The following DNAH12 variants were observed in gnomAD, a reference collection of about 807,000 sequenced individuals.
DNAH12 encodes the protein axonemal beta dynein heavy chain 12.
DNAH12 carries 285 observed loss-of-function variants against 371.5 expected under a neutral mutation model. That is an observed-to-expected ratio of 0.77 (90% confidence interval 0.70 to 0.85). The LOEUF (loss-of-function observed/expected upper bound fraction) is 0.85, where lower values mean the gene tolerates loss of function less well. Ranked by LOEUF, DNAH12 falls within the 40% of genes least tolerant of loss-of-function variation. The pLI is 0.00. For missense variants in DNAH12, 3,611 were observed against 3,689.4 expected, an observed-to-expected ratio of 0.98 and a Z score of 0.55; for synonymous variants, 1,200 against 1,213.0, an observed-to-expected ratio of 0.99 and a Z score of 0.22.
intron 4 of DNAH12, chr3:57,519,657 T>G: frequency 6.6e-7 from 1 of 1,512,066 alleles, no homozygotes; most frequent in African/African-American, 1.4e-5. Flanking sequence ...CTAAGAAGCC[T>G]TCTAACCGCT....
At position 57,405,121 on chromosome 3, in the gene DNAH12, G is replaced by A. The variant is rs1553680642; in HGVS notation, c.6603C>T (p.Leu2201=). The A allele has an allele frequency of 2.0e-6, 3 of 1,536,604 alleles. No homozygotes were observed. Among genetic ancestry groups the A allele is most frequent in the Non-Finnish European group, 2.6e-6 (3 of 1,142,814 alleles). The change falls in exon 42 of 74, where the codon CTC becomes CTT. Residue 2201 remains leucine, a synonymous_variant. Coordinates refer to ENST00000495027, the MANE Select transcript of DNAH12 (RefSeq NM_001366028.2). ...APVTEEDLRN[L]MFGDYMNPDL... is the part of the protein sequence containing the mutation. ...CAGGATTCATATAATCACCAAACAT[G>A]AGATTTCTTAAGTCTTCTTCAGTTA...
intron 37 of DNAH12, among the ~76,000 whole-genome samples, chr3:57,416,120 GTCAC>G (rs976713649): frequency 1.3e-5 from 2 of 151,992 alleles, no homozygotes; most frequent in African/African-American, 2.4e-5. Context: ...GTTTCACTCT[GTCAC>G]TCAGTCTGGA....
At chr3:57,302,593 T>TTTTTTTTTTTA (rs2061383697) in intron 69 of DNAH12, among the ~76,000 whole-genome samples, 1 of 113,588 alleles carries the variant, frequency 8.8e-6, no homozygotes, top group Non-Finnish European at 1.7e-5. Context: ...TTTTTTTTTT[T>TTTTTTTTTTTA]GAGACAGAGT....
intron 25 of DNAH12, among the ~76,000 whole-genome samples, chr3:57,449,235 T>TA (rs1428326878): frequency 1.3e-5 from 2 of 152,116 alleles, no homozygotes; most frequent in African/African-American, 4.8e-5. Flanking sequence ...GAGCTAGACA[T>TA]AAAGACTCTC....
chr3:57,366,990 T>C (rs1410723643), intron 56 of DNAH12, 69 bp from the exon 57 acceptor site: 1 of 152,228 alleles, frequency 6.6e-6, no homozygotes, highest in Admixed American at 6.5e-5. Context: ...TGTACTTCTA[T>C]GGCCTTGCCT....
intron 39 of DNAH12, among the ~76,000 whole-genome samples, chr3:57,410,392 TAAG>T (rs765784538): frequency 1.4e-4 from 22 of 152,312 alleles, no homozygotes; most frequent in African/African-American, 4.6e-4. Flanking sequence ...TTGACCTACA[TAAG>T]AAGAAAACCT....
chr3:57,520,027 C>G lies in DNAH12; in HGVS notation c.279+3556G>C, dbSNP rs1035730440. ...GTCGGCCATGGTAGCGCCGCGGAGC[C>G]GATGGCCGACGTTGGGTTGGGGAAA... On this transcript the variant is annotated intron_variant, in intron 4 of 73. Transcript: ENST00000495027. 5.6e-6 allele frequency: 4 copies of G among 718,466 alleles called. No homozygotes were observed. In the African/African-American group the frequency reaches 7.1e-5, roughly 13 times the overall value. The allele number at this position is 718,466 out of a possible 1,614,324, so 44.5% of individuals were successfully genotyped here.
intron 16 of DNAH12, 123 bp from the exon 17 acceptor site, chr3:57,469,102 G>A (rs938747670): frequency 1.1e-6 from 1 of 888,836 alleles, no homozygotes; most frequent in Non-Finnish European, 1.6e-6. Flanking sequence ...GCTGTTAACA[G>A]TTTTTCTCAG....
chr3:57,348,957 CA>C (rs1553659138), intron 60 of DNAH12, among the ~76,000 whole-genome samples: 1 of 152,010 alleles, frequency 6.6e-6, no homozygotes, highest in Non-Finnish European at 1.5e-5. Context: ...ACAAATGCAA[CA>C]AAAACAAAGA....
intron 34 of DNAH12, among the ~76,000 whole-genome samples, chr3:57,427,955 G>A (rs2064834251): frequency 6.6e-6 from 1 of 151,714 alleles, no homozygotes; most frequent in Non-Finnish European, 1.5e-5. Context: ...CTGAGACGGA[G>A]TCTTGCTCTG....
At chr3:57,402,155 T>C (rs757796375) in intron 43 of DNAH12, among the ~76,000 whole-genome samples, 6 of 152,222 alleles carry the variant, frequency 3.9e-5, no homozygotes, top group Non-Finnish European at 8.8e-5. Flanking sequence ...TTTCCTTTCA[T>C]GTCTATGTAG....
At chr3:57,474,815 G>A (rs540650570) in intron 13 of DNAH12, among the ~76,000 whole-genome samples, 66 of 151,988 alleles carry the variant, frequency 4.3e-4, no homozygotes, top group Middle Eastern at 3.4e-3. Context: ...AAATTAGCTG[G>A]GTGTGGTGGT....
chr3:57,305,569 C>T (rs962385369), intron 69 of DNAH12, among the ~76,000 whole-genome samples: 1 of 152,134 alleles, frequency 6.6e-6, no homozygotes, highest in Non-Finnish European at 1.5e-5. Flanking sequence ...CCCACTTCTC[C>T]CAAATCAGTT....
intron 12 of DNAH12, among the ~76,000 whole-genome samples, chr3:57,487,234 G>C (rs2066948267): frequency 6.8e-6 from 1 of 147,488 alleles, no homozygotes; most frequent in Non-Finnish European, 1.5e-5. Context: ...CCAGGAGTTT[G>C]AGACCAGCCT....
At chr3:57,478,500 G>A (rs551447260) in intron 13 of DNAH12, among the ~76,000 whole-genome samples, 65 of 152,308 alleles carry the variant, frequency 4.3e-4, no homozygotes, top group African/African-American at 1.5e-3. Flanking sequence ...AAAACACTCT[G>A]CAGGATATTA....
At chr3:57,350,199 G>C (rs2062638467) in intron 60 of DNAH12, among the ~76,000 whole-genome samples, 1 of 152,092 alleles carries the variant, frequency 6.6e-6, no homozygotes, top group South Asian at 2.1e-4. Flanking sequence ...CTGCTCTGGT[G>C]ATGGGTGCAC....
At chr3:57,513,724 A>AT (rs1476378639) in intron 4 of DNAH12, among the ~76,000 whole-genome samples, 15 of 152,218 alleles carry the variant, frequency 9.9e-5, no homozygotes, top group African/African-American at 3.6e-4. Context: ...TCATAATTAC[A>AT]GAAAGCAAAT....
chr3:57,345,234 A>G (rs1445313403), intron 60 of DNAH12, among the ~76,000 whole-genome samples: 1 of 152,180 alleles, frequency 6.6e-6, no homozygotes, highest in Non-Finnish European at 1.5e-5. Flanking sequence ...ACCTCAATTT[A>G]TGGTAAATAT....
intron 25 of DNAH12, among the ~76,000 whole-genome samples, chr3:57,448,745 G>T (rs1217531227): frequency 3.5e-5 from 4 of 115,476 alleles, no homozygotes; most frequent in Non-Finnish European, 2.1e-5. Context: ...CCCTGAGCTA[G>T]ATACAAAGCT....
Sources: gnomAD v4.1 joint callset for allele counts (sites outside exome capture counted in the v4.1 genomes callset) on GRCh38, gnomAD v4.1.1 for gene constraint, MANE v1.5 for transcripts, NCBI Gene and HGNC (gene_info 2026-07-23, HGNC 2026-07-21) for gene names.